The following FAM149B1 variants were observed in gnomAD, a reference collection of about 807,000 sequenced individuals.
The protein encoded by FAM149B1 is family with sequence similarity 149 member B1.
In FAM149B1, 56 loss-of-function variants were observed where a neutral mutation model predicts 75.3. That is an observed-to-expected ratio of 0.74 (90% CI 0.60 to 0.93). The LOEUF is 0.93. Among genes scored for constraint, FAM149B1 ranks in the 40% least tolerant of loss-of-function variants. The pLI is 0.00. For missense variants in FAM149B1, 639 were observed against 708.4 expected, an observed-to-expected ratio of 0.90 and a Z score of 1.11; for synonymous variants, 259 against 256.1, an observed-to-expected ratio of 1.01 and a Z score of -0.11.
intron 7 of FAM149B1, among the ~76,000 whole-genome samples, chr10:73,214,674 T>C (rs2043258052): frequency 6.6e-6 from 1 of 152,240 alleles, no homozygotes; most frequent in Non-Finnish European, 1.5e-5. Flanking sequence ...TTGTATTATC[T>C]TTTTGATGTG....
rs1045529702 is a variant in FAM149B1 at position 73,244,176 on chromosome 10, G to A, written c.*3157G>A. 1 of 483,374 alleles carries A rather than the reference G, an allele frequency of 2.1e-6. No individual in the cohort carries two copies. The highest frequency in any genetic ancestry group is 2.0e-5 in the African/African-American group (1 of 49,394). The allele number at this position is 483,374 out of a possible 1,614,324, so 29.9% of individuals were successfully genotyped here. The stretch of plus-strand genomic sequence containing the variant: ...ATTTGCTAGAGGTAGTAAGTACTCT[G>A]GCACTCATAAATCACATGATGATAA... On this transcript the variant is annotated 3_prime_UTR_variant, in exon 14 of 14. Coordinates refer to ENST00000242505, the MANE Select transcript of FAM149B1 (RefSeq NM_173348.2).
chr10:73,203,215 C>T lies in FAM149B1; in HGVS notation c.543-5404C>T, dbSNP rs114736824. Reference sequence around the variant, plus strand: ...GAAAGACAGAAGGGCTAAATGGTATCCCTTGCAGTCACACCAGTTCCCTTT... The same window carrying T: ...GAAAGACAGAAGGGCTAAATGGTATTCCTTGCAGTCACACCAGTTCCCTTT... On this transcript the variant is annotated intron_variant, in intron 5 of 13. Coordinates refer to ENST00000242505, the MANE Select transcript of FAM149B1 (RefSeq NM_173348.2). Among the ~76,000 whole-genome samples the T allele has an allele frequency of 3.4e-3, 523 of 152,268 alleles. 1 individual carries two copies. The highest frequency in any genetic ancestry group is 0.012 in the African/African-American group (509 of 41,558).
At chr10:73,233,221 C>A (rs1046159396) in intron 10 of FAM149B1, 58 bp downstream of exon 10, 4 of 1,179,328 alleles carry the variant, frequency 3.4e-6, no homozygotes, top group East Asian at 2.5e-5. Context: ...ATTTTACATA[C>A]AGAATTAATT....
intron 1 of FAM149B1, among the ~76,000 whole-genome samples, chr10:73,173,899 G>T (rs1843827216): frequency 6.6e-6 from 1 of 152,130 alleles, no homozygotes; most frequent in African/African-American, 2.4e-5. Flanking sequence ...TTAAACCTGT[G>T]TTGTTCAAGG....
At chr10:73,190,076 C>T (rs2133330854) in intron 3 of FAM149B1, among the ~76,000 whole-genome samples, 1 of 152,146 alleles carries the variant, frequency 6.6e-6, no homozygotes, top group South Asian at 2.1e-4. Context: ...CAGATAGTAG[C>T]TAATTGAATG....
intron 5 of FAM149B1, among the ~76,000 whole-genome samples, chr10:73,194,877 T>C (rs1040816324): frequency 6.6e-6 from 1 of 151,706 alleles, no homozygotes; most frequent in Non-Finnish European, 1.5e-5. Flanking sequence ...AGAAACAGGG[T>C]TTCACCATGT....
intron 7 of FAM149B1, 74 bp from the exon 8 acceptor site, chr10:73,227,986 G>A (rs773769760): frequency 6.6e-5 from 92 of 1,402,394 alleles, no homozygotes; most frequent in African/African-American, 8.6e-5. Context: ...TCTCAGGAGA[G>A]ATCTTTTTTC....
intron 12 of FAM149B1, among the ~76,000 whole-genome samples, chr10:73,237,029 T>A (rs2043838117): frequency 6.6e-6 from 1 of 152,186 alleles, no homozygotes; most frequent in Non-Finnish European, 1.5e-5. Flanking sequence ...TGTCTTTACA[T>A]GGCTTTCCTC....
At chr10:73,213,351 T>A (rs2043231547) in intron 7 of FAM149B1, among the ~76,000 whole-genome samples, 2 of 152,180 alleles carry the variant, frequency 1.3e-5, no homozygotes. Context: ...TTTGTCTATT[T>A]TTGTTTTTGT....
intron 7 of FAM149B1, among the ~76,000 whole-genome samples, chr10:73,227,366 T>A (rs1392898806): frequency 6.6e-6 from 1 of 152,196 alleles, no homozygotes; most frequent in Non-Finnish European, 1.5e-5. Flanking sequence ...ATTACAGATG[T>A]CAGCCACCAT....
intron 5 of FAM149B1, among the ~76,000 whole-genome samples, chr10:73,206,551 AG>A (rs1397306880): frequency 2.0e-5 from 3 of 152,262 alleles, no homozygotes; most frequent in Non-Finnish European, 4.4e-5. Flanking sequence ...CCTTCACAGC[AG>A]CCCCTCCCAT....
chr10:73,186,787 C>T (rs918387733), intron 3 of FAM149B1, among the ~76,000 whole-genome samples: 5 of 152,150 alleles, frequency 3.3e-5, no homozygotes, highest in African/African-American at 9.7e-5. Context: ...CATGACACAT[C>T]ACATATTGTT....
At chr10:73,234,608 G>GTA (rs1257431955) in intron 10 of FAM149B1, 3 of 557,624 alleles carry the variant, frequency 5.4e-6, no homozygotes, top group Non-Finnish European at 9.5e-6. Context: ...TGTACCCAGA[G>GTA]TATAGAGCTT....
chr10:73,234,263 C>G (rs7082710), intron 10 of FAM149B1: 7,099 of 154,590 alleles, frequency 0.046, 513 homozygotes, highest in African/African-American at 0.15. Flanking sequence ...TATAATTAAT[C>G]TCTCATTCCT....
intron 7 of FAM149B1, among the ~76,000 whole-genome samples, chr10:73,217,670 A>T (rs2043326960): frequency 6.6e-6 from 1 of 152,232 alleles, no homozygotes; most frequent in Non-Finnish European, 1.5e-5. Flanking sequence ...TAACAAGACA[A>T]AAGCCTATAT....
chr10:73,239,379 C>A lies in FAM149B1; in HGVS notation c.1670C>A (p.Ser557Tyr). 6.4e-7 allele frequency: 1 copy of A among 1,551,364 alleles called. No homozygotes were observed. Among genetic ancestry groups the A allele is most frequent in the Non-Finnish European group, 8.7e-7 (1 of 1,146,684 alleles). ...YPHQARPGRGSAGPQLHGSTK... is the reference protein window; with the variant it reads ...YPHQARPGRGYAGPQLHGSTK... ...CATCAGGCCCGACCTGGCAGGGGAT[C>A]TGCAGGTAAAGGTGGGGCCATGGCC... is the stretch of plus-strand genomic sequence containing the variant. Residue 557 changes from serine (S) to tyrosine (Y), a missense_variant, in exon 13 of 14, where the codon TCT becomes TAT. Transcript: ENST00000242505.
chr10:73,183,255 A>G (rs1420747275), intron 3 of FAM149B1: 1 of 152,228 alleles, frequency 6.6e-6, no homozygotes, highest in Non-Finnish European at 1.5e-5. Context: ...TAATATGTAT[A>G]TGATATATAA....
intron 3 of FAM149B1, among the ~76,000 whole-genome samples, chr10:73,191,642 CTA>C (rs1179129353): frequency 6.6e-6 from 1 of 151,780 alleles, no homozygotes; most frequent in Non-Finnish European, 1.5e-5. Context: ...CCTGGCCTGA[CTA>C]TTCTTAAAGG....
intron 5 of FAM149B1, among the ~76,000 whole-genome samples, chr10:73,205,819 TGG>T (rs767763490): frequency 6.6e-6 from 1 of 152,180 alleles, no homozygotes; most frequent in Non-Finnish European, 1.5e-5. Flanking sequence ...CCCAAAGTGC[TGG>T]GATTATAGGT....
Sources: allele counts gnomAD v4.1 joint callset (sites outside exome capture counted in the v4.1 genomes callset), GRCh38; gene constraint gnomAD v4.1.1; transcripts MANE v1.5; gene names NCBI Gene and HGNC (gene_info 2026-07-23, HGNC 2026-07-21).